The following MSI1 variants were observed in gnomAD, a reference collection of about 807,000 sequenced individuals.
MSI1 encodes the protein RNA-binding protein Musashi homolog 1.
A neutral mutation model predicts 54.4 loss-of-function variants in MSI1; 15 were observed. The ratio of observed to expected loss-of-function variants is 0.28; its 90% CI spans 0.18 to 0.42. MSI1 has a LOEUF of 0.42. MSI1 is among the 20% of genes least tolerant of loss of function. MSI1 has a pLI of 1.00. For missense variants in MSI1, 304 were observed against 506.0 expected (o/e 0.60, Z 3.83); for synonymous variants, 200 against 196.5 (o/e 1.02, Z -0.15).
In MSI1 at chr12:120,368,782, G is replaced by A; in HGVS notation, c.100+51C>T. 7.3e-7 allele frequency: 1 copy of A among 1,373,586 alleles called. No homozygotes were observed. The highest frequency in any genetic ancestry group is 1.6e-5 in the South Asian group (1 of 64,130). 85.1% of individuals were successfully genotyped at this position (1,373,586 alleles called of 1,614,324 possible). On this transcript the variant is annotated intron_variant, in intron 2 of 14. Transcript: ENST00000257552. This position sits in a 1 kb window ranked among gnomAD's most constrained non-coding sequence, Gnocchi z 6.6. Reference sequence around the variant, plus strand: ...TGGGGTGTCCGGGTCCGGGGCGCCGGGGGGTCCGGGGTGCCCTGCCGGACC... The same window carrying A: ...TGGGGTGTCCGGGTCCGGGGCGCCGAGGGGTCCGGGGTGCCCTGCCGGACC...
intron 14 of MSI1, among the ~76,000 whole-genome samples, chr12:120,344,201 A>G (rs1565881461): frequency 6.6e-6 from 1 of 152,206 alleles, no homozygotes; most frequent in Non-Finnish European, 1.5e-5. Context: ...CTGTACACAC[A>G]CTAATTTGTT....
chr12:120,347,367 A>G, intron 12 of MSI1, 79 bp downstream of exon 12: 1 of 1,491,648 alleles, frequency 6.7e-7, no homozygotes, highest in Middle Eastern at 1.7e-4. Flanking sequence ...AAGGGGTGGC[A>G]GTGGCCTTCT....
At chr12:120,354,945 A>C (rs552585319) in intron 9 of MSI1, among the ~76,000 whole-genome samples, 2 of 150,704 alleles carry the variant, frequency 1.3e-5, no homozygotes, top group Admixed American at 6.6e-5. Context: ...TACCACCACA[A>C]CACTTTGGGA....
chr12:120,350,384 A>G (rs751777897), intron 11 of MSI1, among the ~76,000 whole-genome samples: 3 of 152,114 alleles, frequency 2.0e-5, no homozygotes, highest in African/African-American at 4.8e-5. Context: ...CCTGACAACT[A>G]GTGGCCAAAC....
intron 12 of MSI1, among the ~76,000 whole-genome samples, chr12:120,346,896 C>A: frequency 6.6e-6 from 1 of 152,136 alleles, no homozygotes; most frequent in East Asian, 1.9e-4. Flanking sequence ...TTTTTAATAC[C>A]TGATGCCACC....
intron 5 of MSI1, 116 bp from the exon 6 acceptor site, chr12:120,363,251 C>A (rs1875798426): frequency 5.0e-6 from 4 of 799,164 alleles, no homozygotes; most frequent in Non-Finnish European, 8.1e-6. Context: ...TGGCCCCAGC[C>A]TCTTTAAAGG....
intron 11 of MSI1, among the ~76,000 whole-genome samples, chr12:120,347,847 C>T (rs1352144567): frequency 2.0e-5 from 3 of 151,846 alleles, no homozygotes; most frequent in Non-Finnish European, 4.4e-5. Flanking sequence ...GAAGGTTGCC[C>T]GCAGCTGCCC....
intron 14 of MSI1, among the ~76,000 whole-genome samples, chr12:120,343,642 C>T (rs990895111): frequency 6.6e-6 from 1 of 152,156 alleles, no homozygotes; most frequent in African/African-American, 2.4e-5. Flanking sequence ...TCTAAAATAG[C>T]CCTGTCATGC....
chr12:120,340,914 G>A (rs1442049019), downstream of MSI1, among the ~76,000 whole-genome samples: 1 of 131,262 alleles, frequency 7.6e-6, no homozygotes, highest in Non-Finnish European at 1.6e-5. Context: ...TTGAGACAGA[G>A]TCTCACTCTC....
At chr12:120,365,438 A>C (rs2136987671) in intron 4 of MSI1, among the ~76,000 whole-genome samples, 1 of 152,320 alleles carries the variant, frequency 6.6e-6, no homozygotes, top group Non-Finnish European at 1.5e-5. Flanking sequence ...GCAAAAACAA[A>C]AACAAAAAAA....
rs776596689 is a variant in MSI1 at position 120,363,112 on chromosome 12, G to A, written c.333C>T (p.Ile111=). 1.9e-6 allele frequency: 3 copies of A among 1,613,896 alleles called. No individual in the cohort carries two copies. The Admixed American group carries it at 5.0e-5, about 27-fold the overall frequency. Residue 111 remains isoleucine (I), a synonymous_variant, in exon 6 of 15, where the codon ATC becomes ATT. Transcript: ENST00000257552. ...QPKMVTRTKK[I]FVGGLSVNTT... ...TGTTCACCGACAGCCCCCCCACAAAGATCTTCTTCGTTCGAGTCACCATCT... is the reference window on the plus strand; with the variant it reads ...TGTTCACCGACAGCCCCCCCACAAAAATCTTCTTCGTTCGAGTCACCATCT...
At chr12:120,359,514 C>T (rs1031908447) in intron 6 of MSI1, among the ~76,000 whole-genome samples, 2 of 152,192 alleles carry the variant, frequency 1.3e-5, no homozygotes, top group African/African-American at 2.4e-5. Context: ...CTCCCCTCTC[C>T]GGCTACAGAT....
At chr12:120,357,331 C>T (rs1053955595) in intron 8 of MSI1, among the ~76,000 whole-genome samples, 29 of 152,164 alleles carry the variant, frequency 1.9e-4, no homozygotes, top group African/African-American at 6.8e-4. Flanking sequence ...CCGTGTGACA[C>T]TGCCTCCCTG....
At chr12:120,364,840 C>T (rs2136986026) in intron 4 of MSI1, 85 bp from the exon 5 acceptor site, 1 of 1,229,082 alleles carries the variant, frequency 8.1e-7, no homozygotes, top group Non-Finnish European at 1.1e-6. Flanking sequence ...CTCAGGACCT[C>T]TCTCCTCCCA....
chr12:120,363,025 C>T lies in MSI1; in HGVS notation c.402+18G>A, dbSNP rs764940825. The T allele has an allele frequency of 6.2e-7, 1 of 1,608,030 alleles. No homozygotes were observed. ...GTGTTCACAGCCCCAGCAGCAAGCG[C>T]CCCCAGTTTAAACCCACCTTCCCAA... On this transcript the variant is annotated intron_variant, in intron 6 of 14. Transcript: ENST00000257552.
downstream of MSI1, chr12:120,341,310 A>C (rs753343798): frequency 6.6e-6 from 1 of 152,644 alleles, no homozygotes; most frequent in Non-Finnish European, 1.5e-5. Flanking sequence ...ACAGAGACAC[A>C]AGACATTCAC....
intron 10 of MSI1, among the ~76,000 whole-genome samples, chr12:120,352,282 C>T (rs1354555930): frequency 1.3e-5 from 2 of 152,146 alleles, no homozygotes; most frequent in Admixed American, 1.3e-4. Context: ...GCTGGGATTA[C>T]AGGCGTGAGT....
At position 120,363,036 on chromosome 12, in the gene MSI1, A is replaced by G; in HGVS notation, c.402+7T>C. ...CCCAGCAGCAAGCGCCCCCAGTTTA[A>G]ACCCACCTTCCCAAACTGCTCAAAA... is the stretch of plus-strand genomic sequence containing the variant. On this transcript the variant is annotated splice_region_variant and intron_variant, in intron 6 of 14. Coordinates refer to ENST00000257552, the MANE Select transcript of MSI1 (RefSeq NM_002442.4). The G allele has an allele frequency of 1.9e-6, 3 of 1,613,252 alleles. No homozygotes were observed. Among genetic ancestry groups the G allele is most frequent in the Non-Finnish European group, 2.5e-6 (3 of 1,179,396 alleles).
chr12:120,353,389 C>T lies in MSI1; in HGVS notation c.653-10G>A. The T allele has an allele frequency of 6.2e-7, 1 of 1,613,742 alleles. No homozygotes were observed. Among genetic ancestry groups the T allele is most frequent in the Non-Finnish European group, 8.5e-7 (1 of 1,179,794 alleles). ...TGGAAACCTGGGTAACCTGATGGGG[C>T]AAGGGGGCAGTGTCAGATGGCTCAT... On this transcript the variant is annotated splice_polypyrimidine_tract_variant and intron_variant, in intron 9 of 14. Transcript: ENST00000257552.
Sources: gnomAD v4.1 joint callset for allele counts (sites outside exome capture counted in the v4.1 genomes callset) on GRCh38, gnomAD v4.1.1 for gene constraint, Gnocchi (gnomAD v3.1) non-coding constraint, MANE v1.5 for transcripts, NCBI Gene and HGNC (gene_info 2026-07-23, HGNC 2026-07-21) for gene names.